The following GLIS3 variants were observed in gnomAD, a reference collection of about 807,000 sequenced individuals.
GLIS3 encodes zinc finger protein GLIS3.
A neutral mutation model predicts 78.6 loss-of-function variants in GLIS3; 53 were observed. That is an observed-to-expected ratio of 0.67 (90% confidence interval 0.54 to 0.85). The LOEUF is 0.85. Among genes scored for constraint, GLIS3 ranks in the 40% least tolerant of loss-of-function variants. The pLI is 0.00. For missense variants in GLIS3, 1,703 were observed against 1,231.1 expected (o/e 1.38, Z -5.74); for synonymous variants, 684 against 509.9 (o/e 1.34, Z -4.60).
At chr9:4,466,856 G>C in the GLIS3 span, among the ~76,000 whole-genome samples, 3 of 152,250 alleles carry the variant, frequency 2.0e-5, no homozygotes, top group African/African-American at 7.2e-5. Context: ...GGAAGTGCAA[G>C]GGGGTCGGGG....
chr9:4,456,060 A>T, the GLIS3 span, among the ~76,000 whole-genome samples: 1 of 152,146 alleles, frequency 6.6e-6, no homozygotes, highest in Non-Finnish European at 1.5e-5. Flanking sequence ...GTGAGCTGAG[A>T]TCACGCCACT....
chr9:4,224,721 G>GTTTTT (rs5896053), intron 2 of GLIS3, among the ~76,000 whole-genome samples: 1 of 141,904 alleles, frequency 7.0e-6, no homozygotes, highest in Non-Finnish European at 1.5e-5. Flanking sequence ...ATCTTTTTCT[G>GTTTTT]TTTTTTTTTT....
intron 2 of GLIS3, among the ~76,000 whole-genome samples, chr9:4,247,122 A>C (rs192644699): frequency 6.6e-6 from 1 of 152,304 alleles, no homozygotes; most frequent in East Asian, 1.9e-4. Context: ...GGTGCACACC[A>C]AAAGCGCGAT....
the GLIS3 span, among the ~76,000 whole-genome samples, chr9:4,399,175 C>G: frequency 1.6e-3 from 243 of 152,232 alleles, 4 homozygotes; most frequent in African/African-American, 5.6e-3. Flanking sequence ...GCTGCCAACA[C>G]AAAGAAATGA....
chr9:3,986,314 A>C (rs1288816065), intron 4 of GLIS3, among the ~76,000 whole-genome samples: 1 of 152,190 alleles, frequency 6.6e-6, no homozygotes, highest in Non-Finnish European at 1.5e-5. Context: ...AACTGTAGAT[A>C]ATTTTGCTTG....
chr9:4,215,160 C>G (rs1820706232), intron 2 of GLIS3, among the ~76,000 whole-genome samples: 1 of 152,172 alleles, frequency 6.6e-6, no homozygotes, highest in Admixed American at 6.5e-5. Context: ...CACTTCCAAC[C>G]TCCTCCTTGA....
the GLIS3 span, among the ~76,000 whole-genome samples, chr9:4,468,847 G>T: frequency 6.6e-6 from 1 of 152,104 alleles, no homozygotes; most frequent in South Asian, 2.1e-4. Context: ...CTGGCAAATT[G>T]GATAAAGAGT....
chr9:4,476,656 C>A, the GLIS3 span, among the ~76,000 whole-genome samples: 4 of 152,108 alleles, frequency 2.6e-5, no homozygotes, highest in Non-Finnish European at 5.9e-5. Flanking sequence ...GCCACCATGC[C>A]CGGCCCAGTG....
intron 2 of GLIS3, among the ~76,000 whole-genome samples, chr9:4,327,175 G>C (rs368759359): frequency 1.3e-5 from 2 of 152,186 alleles, no homozygotes; most frequent in Non-Finnish European, 2.9e-5. Context: ...AGAAGGGAGA[G>C]TGTCCAGTGT....
At chr9:4,296,379 G>T (rs1302179106) in intron 1 of GLIS3, among the ~76,000 whole-genome samples, 1 of 151,798 alleles carries the variant, frequency 6.6e-6, no homozygotes, top group African/African-American at 2.4e-5. Flanking sequence ...ATGAAGGCAG[G>T]GCTAATACAA....
intron 7 of GLIS3, among the ~76,000 whole-genome samples, chr9:3,882,280 C>T (rs775851216): frequency 6.6e-6 from 1 of 152,154 alleles, no homozygotes; most frequent in African/African-American, 2.4e-5. Flanking sequence ...AACATTTATC[C>T]ACCAACTCCT....
At chr9:4,063,171 T>A (rs1826800451) in intron 4 of GLIS3, among the ~76,000 whole-genome samples, 1 of 152,172 alleles carries the variant, frequency 6.6e-6, no homozygotes, top group Admixed American at 6.5e-5. Context: ...TTTGCACATT[T>A]CACAATATTC....
chr9:4,438,786 C>A, the GLIS3 span, among the ~76,000 whole-genome samples: 5 of 152,148 alleles, frequency 3.3e-5, no homozygotes, highest in East Asian at 9.6e-4. Flanking sequence ...CCATGTAGGA[C>A]GTGTCTTGCT....
chr9:4,413,818 T>G, the GLIS3 span, among the ~76,000 whole-genome samples: 7 of 152,200 alleles, frequency 4.6e-5, no homozygotes, highest in Non-Finnish European at 8.8e-5. Flanking sequence ...GTTTCATTTT[T>G]CAAATTATTA....
At chr9:4,142,270 T>C (rs1227517377) in intron 2 of GLIS3, among the ~76,000 whole-genome samples, 1 of 152,186 alleles carries the variant, frequency 6.6e-6, no homozygotes, top group African/African-American at 2.4e-5. Context: ...AGAATAAACA[T>C]GAAGAAAAAG....
the GLIS3 span, among the ~76,000 whole-genome samples, chr9:4,397,705 G>GAA: frequency 1.9e-5 from 1 of 51,328 alleles, no homozygotes; most frequent in African/African-American, 9.0e-5. Context: ...AGGGAGGGAG[G>GAA]AAGGCAGGGA....
At chr9:4,412,515 G>A in the GLIS3 span, among the ~76,000 whole-genome samples, 7 of 152,140 alleles carry the variant, frequency 4.6e-5, no homozygotes, top group Non-Finnish European at 1.0e-4. Flanking sequence ...TTGTATCTCT[G>A]TGTATTCCCC....
chr9:4,016,201 C>T (rs75167614), intron 4 of GLIS3, among the ~76,000 whole-genome samples: 1 of 152,142 alleles, frequency 6.6e-6, no homozygotes, highest in Non-Finnish European at 1.5e-5. Flanking sequence ...CCAAACACCC[C>T]TCACCCAGAA....
chr9:4,161,639 G>A (rs1467718393), intron 2 of GLIS3, among the ~76,000 whole-genome samples: 2 of 150,366 alleles, frequency 1.3e-5, no homozygotes, highest in South Asian at 2.1e-4. Flanking sequence ...TGAAACAACA[G>A]GATTTTCTTC....
Sources: gnomAD v4.1 joint callset for allele counts (sites outside exome capture counted in the v4.1 genomes callset) on GRCh38, gnomAD v4.1.1 for gene constraint, MANE v1.5 for transcripts, NCBI Gene and HGNC (gene_info 2026-07-23, HGNC 2026-07-21) for gene names.